DIS3L2: variants seen among roughly 807,000 people sequenced by gnomAD.
DIS3L2 encodes DIS3-like exonuclease 2.
Under a neutral mutation model 97.5 loss-of-function variants are expected in DIS3L2, and 34 were observed. That is an observed-to-expected ratio of 0.35 (90% confidence interval 0.27 to 0.46). The LOEUF is 0.46. Among genes scored for constraint, DIS3L2 ranks in the 20% least tolerant of loss-of-function variants. The pLI is 1.00. For missense variants in DIS3L2, 1,038 were observed against 1,146.0 expected (o/e 0.91, Z 1.36); for synonymous variants, 435 against 445.2 (o/e 0.98, Z 0.29).
rs1019044949 is a variant in DIS3L2, at chr2:232,109,221, G to A, written c.602-21398G>A. Among the ~76,000 whole-genome samples, 6 of 152,158 alleles carry A rather than the reference G, an allele frequency of 3.9e-5. No individual in the cohort carries two copies. The East Asian group carries it at 5.8e-4, about 15-fold the overall frequency. ...AGCACTTCGTGAGGCCAAGGCAGGCGGATCACTTGAGGTCAGGATTTTGAG... is the reference window on the plus strand; with the variant it reads ...AGCACTTCGTGAGGCCAAGGCAGGCAGATCACTTGAGGTCAGGATTTTGAG... On this transcript the variant is annotated intron_variant, in intron 6 of 20. Transcript: ENST00000325385.
rs576532126 is a variant in DIS3L2 at position 232,096,143 on chromosome 2, G to A, written c.601+8422G>A. Among the ~76,000 whole-genome samples the A allele has an allele frequency of 2.7e-5, 4 of 149,966 alleles. No individual in the cohort carries two copies. In the South Asian group the frequency reaches 8.4e-4, roughly 32 times the overall value. On this transcript the variant is annotated intron_variant, in intron 6 of 20. Transcript: ENST00000325385. ...GCTCTGTCGCCCAGGCTGGAGTGCA[G>A]TGGCGTGATCTCGGCTCACTGGAAG...
intron 9 of DIS3L2, among the ~76,000 whole-genome samples, chr2:232,176,927 G>A (rs1177325520): frequency 1.4e-5 from 2 of 146,804 alleles, no homozygotes; most frequent in East Asian, 2.0e-4. Context: ...CTAGCATTAG[G>A]TATATCTCCC....
chr2:232,155,921 C>T (rs1293581238), intron 8 of DIS3L2, among the ~76,000 whole-genome samples: 3 of 151,236 alleles, frequency 2.0e-5, no homozygotes, highest in Non-Finnish European at 4.4e-5. Context: ...ACCCGGGAGG[C>T]GGAGCTTGCA....
At chr2:232,019,884 T>C (rs11677183) in intron 3 of DIS3L2, among the ~76,000 whole-genome samples, 1,713 of 151,424 alleles carry the variant, frequency 0.011, 19 homozygotes, top group Non-Finnish European at 0.016. Flanking sequence ...AATAAAGAAA[T>C]GGGAAGGGTG....
chr2:232,126,874 A>G (rs571521417), intron 6 of DIS3L2, among the ~76,000 whole-genome samples: 33 of 152,286 alleles, frequency 2.2e-4, no homozygotes, highest in East Asian at 7.7e-4. Context: ...GGCCTTTACC[A>G]TGGCAGGTCC....
At chr2:231,971,140 T>C (rs1278218009) in intron 1 of DIS3L2, among the ~76,000 whole-genome samples, 3 of 152,230 alleles carry the variant, frequency 2.0e-5, no homozygotes, top group African/African-American at 7.2e-5. Context: ...GAGGCTGTTT[T>C]ATAGTTAACA....
chr2:231,961,867 C>T (rs1692564972), intron 1 of DIS3L2, 102 bp downstream of exon 1: 1 of 152,514 alleles, frequency 6.6e-6, no homozygotes, highest in Non-Finnish European at 1.5e-5. Context: ...GGCGCTTCGC[C>T]CGGCACCTGT....
intron 9 of DIS3L2, among the ~76,000 whole-genome samples, chr2:232,209,996 T>G (rs1574947490): frequency 6.6e-6 from 1 of 152,162 alleles, no homozygotes; most frequent in Non-Finnish European, 1.5e-5. Context: ...GAAGAGTAAT[T>G]TACCAAAGTA....
chr2:232,323,859 C>T (rs1484701674), intron 14 of DIS3L2, among the ~76,000 whole-genome samples: 4 of 152,036 alleles, frequency 2.6e-5, no homozygotes, highest in African/African-American at 7.2e-5. Flanking sequence ...TCCCCCTCCC[C>T]GACCCAGGCA....
chr2:232,192,156 G>T (rs1413825989), intron 9 of DIS3L2, among the ~76,000 whole-genome samples: 1 of 151,596 alleles, frequency 6.6e-6, no homozygotes, highest in East Asian at 1.9e-4. Flanking sequence ...TTGTTAATGG[G>T]GTATATATTT....
chr2:232,134,734 A>G (rs538912965), intron 7 of DIS3L2, among the ~76,000 whole-genome samples: 25 of 152,290 alleles, frequency 1.6e-4, no homozygotes, highest in Admixed American at 1.6e-3. Flanking sequence ...CAGGAGGCTA[A>G]GGCAGGAGGA....
intron 5 of DIS3L2, among the ~76,000 whole-genome samples, chr2:232,067,899 G>A (rs1354692926): frequency 6.6e-6 from 1 of 152,008 alleles, no homozygotes; most frequent in Non-Finnish European, 1.5e-5. Context: ...GAATCACTGT[G>A]TCTAATATTA....
In DIS3L2 at chr2:232,216,754, G is replaced by T. The variant is rs538588754; in HGVS notation, c.1204+6349G>T. On this transcript the variant is annotated intron_variant, in intron 10 of 20. Transcript: ENST00000325385. ...CATGAGAAGAGTTGATCGTTTTGCA[G>T]GGTCTTGAAGAAGAAGGTGGGAGAT... Among the ~76,000 whole-genome samples, 4 of 152,298 alleles carry T rather than the reference G, an allele frequency of 2.6e-5. No individual in the cohort carries two copies. The South Asian group carries it at 8.3e-4, about 32-fold the overall frequency.
intron 1 of DIS3L2, among the ~76,000 whole-genome samples, chr2:231,980,048 G>A (rs1053128348): frequency 6.6e-6 from 1 of 152,118 alleles, no homozygotes; most frequent in Non-Finnish European, 1.5e-5. Flanking sequence ...CCAATTTCCA[G>A]TTGAATATCA....
At chr2:232,165,810 G>T (rs1690788080) in intron 9 of DIS3L2, among the ~76,000 whole-genome samples, 1 of 152,156 alleles carries the variant, frequency 6.6e-6, no homozygotes, top group Non-Finnish European at 1.5e-5. Context: ...TTACAGGCGT[G>T]AGCCACCACA....
At chr2:231,988,933 G>T (rs1459241117) in intron 1 of DIS3L2, among the ~76,000 whole-genome samples, 4 of 152,086 alleles carry the variant, frequency 2.6e-5, no homozygotes, top group Admixed American at 1.3e-4. Context: ...TTCAATTCTT[G>T]TATGTTTTAG....
intron 1 of DIS3L2, among the ~76,000 whole-genome samples, chr2:231,997,145 T>G (rs894823852): frequency 6.6e-5 from 10 of 152,228 alleles, no homozygotes; most frequent in Admixed American, 1.3e-4. Context: ...AAGCAAAGGT[T>G]TAGAAACAAG....
intron 14 of DIS3L2, among the ~76,000 whole-genome samples, chr2:232,313,026 A>G (rs1269210114): frequency 7.3e-5 from 11 of 151,296 alleles, no homozygotes; most frequent in Admixed American, 7.2e-4. Context: ...TTTCCAGTGT[A>G]CCTCATCATG....
At position 232,087,556 on chromosome 2, in the gene DIS3L2, T is replaced by C; in HGVS notation, c.436T>C (p.Cys146Arg). 1 of 1,614,070 alleles carries C rather than the reference T, an allele frequency of 6.2e-7. No individual in the cohort carries two copies. The highest frequency in any genetic ancestry group is 8.5e-7 in the Non-Finnish European group (1 of 1,180,000). ...AYESDIPEEL[C>R]GHHLPQQSLK... is the part of the protein sequence containing the mutation. ...TGAATCAGATATCCCCGAGGAGCTCTGTGGACACCATCTCCCGCAACAGTC... is the reference window on the plus strand; with the variant it reads ...TGAATCAGATATCCCCGAGGAGCTCCGTGGACACCATCTCCCGCAACAGTC... The change falls in exon 6 of 21, where the codon TGT becomes CGT. Residue 146 changes from cysteine (C) to arginine (R), a missense_variant. By Grantham distance (180) the Cys-to-Arg change is radical (BLOSUM62 -3). Coordinates refer to ENST00000325385, the MANE Select transcript of DIS3L2 (RefSeq NM_152383.5).
Sources: gnomAD v4.1 joint callset for allele counts (sites outside exome capture counted in the v4.1 genomes callset) on GRCh38, gnomAD v4.1.1 for gene constraint, MANE v1.5 for transcripts, NCBI Gene and HGNC (gene_info 2026-07-23, HGNC 2026-07-21) for gene names.